GNAQ: variants seen among roughly 807,000 people sequenced by gnomAD.
The protein encoded by GNAQ is guanine nucleotide-binding protein G(q) subunit alpha.
A neutral mutation model predicts 43.9 loss-of-function variants in GNAQ; 8 were observed. The ratio of observed to expected loss-of-function variants is 0.18; its 90% CI spans 0.11 to 0.33. The LOEUF (loss-of-function observed/expected upper bound fraction) is 0.33. Among genes scored for constraint, GNAQ ranks in the 10% least tolerant of loss-of-function variants. The pLI, the probability that GNAQ is intolerant of heterozygous loss-of-function variation, is 1.00. For synonymous variants in GNAQ, 155 were observed against 170.7 expected (o/e 0.91, Z 0.71); for missense variants, 158 against 450.8 (o/e 0.35, Z 5.88).
chr9:77,933,114 G>A (rs1481838515), intron 1 of GNAQ, among the ~76,000 whole-genome samples: 1 of 152,144 alleles, frequency 6.6e-6, no homozygotes, highest in Non-Finnish European at 1.5e-5. Context: ...AAAGTTCACT[G>A]CATCGACATG....
intron 5 of GNAQ, among the ~76,000 whole-genome samples, chr9:77,781,144 G>C (rs951126009): frequency 6.6e-6 from 1 of 151,874 alleles, no homozygotes; most frequent in Non-Finnish European, 1.5e-5. Flanking sequence ...GTTGCCTGTG[G>C]TTTTGAAATC....
At chr9:77,811,441 G>A (rs991282831) in intron 3 of GNAQ, among the ~76,000 whole-genome samples, 5 of 152,054 alleles carry the variant, frequency 3.3e-5, no homozygotes, top group African/African-American at 1.2e-4. Context: ...GAAAGGAAAA[G>A]GGCTAACAAT....
intron 1 of GNAQ, among the ~76,000 whole-genome samples, chr9:78,022,336 G>T (rs999994598): frequency 1.3e-5 from 2 of 152,176 alleles, no homozygotes; most frequent in African/African-American, 4.8e-5. Context: ...GAGATCATCT[G>T]CTGCAATCTC....
At chr9:77,827,341 A>T (rs1329764855) in intron 2 of GNAQ, among the ~76,000 whole-genome samples, 2 of 149,158 alleles carry the variant, frequency 1.3e-5, no homozygotes, top group Admixed American at 6.7e-5. Flanking sequence ...TTGGTGATGT[A>T]GCAATGGTCA....
chr9:77,762,162 G>A (rs1323235365), intron 5 of GNAQ, among the ~76,000 whole-genome samples: 1 of 139,528 alleles, frequency 7.2e-6, no homozygotes, highest in Non-Finnish European at 1.6e-5. Context: ...CCCCGTCCGG[G>A]AGGTGAGGGG....
intron 5 of GNAQ, among the ~76,000 whole-genome samples, chr9:77,761,140 AGCCGCCCC>A (rs1826004922): frequency 1.4e-5 from 2 of 141,998 alleles, no homozygotes; most frequent in Middle Eastern, 4.0e-3. Flanking sequence ...CCGCCCGGCC[AGCCGCCCC>A]GTCCGGGAGG....
chr9:77,894,977 C>T (rs1247222833), intron 2 of GNAQ, among the ~76,000 whole-genome samples: 1 of 150,724 alleles, frequency 6.6e-6, no homozygotes, highest in Non-Finnish European at 1.5e-5. Flanking sequence ...ATCACGAGGT[C>T]AGGAGATTGA....
At chr9:77,765,096 G>T (rs189935453) in intron 5 of GNAQ, among the ~76,000 whole-genome samples, 2 of 152,156 alleles carry the variant, frequency 1.3e-5, no homozygotes, top group Non-Finnish European at 2.9e-5. Context: ...TGGACATTTG[G>T]CTAACTTGAG....
At chr9:77,757,569 T>TC (rs895632029) in intron 5 of GNAQ, among the ~76,000 whole-genome samples, 2 of 152,204 alleles carry the variant, frequency 1.3e-5, no homozygotes, top group African/African-American at 4.8e-5. Context: ...GGCTCAGGTC[T>TC]CCAATTCGTG....
intron 5 of GNAQ, among the ~76,000 whole-genome samples, chr9:77,759,543 C>A (rs1380585552): frequency 6.6e-6 from 1 of 152,144 alleles, no homozygotes; most frequent in East Asian, 1.9e-4. Context: ...AACTACAGCA[C>A]GTGACTCTAA....
intron 2 of GNAQ, among the ~76,000 whole-genome samples, chr9:77,910,578 C>G (rs1352259289): frequency 6.6e-6 from 1 of 151,882 alleles, no homozygotes; most frequent in Non-Finnish European, 1.5e-5. Flanking sequence ...AGACAGGCTG[C>G]TAAAGCAGAG....
chr9:77,882,340 C>G (rs1828226949), intron 2 of GNAQ, among the ~76,000 whole-genome samples: 1 of 152,064 alleles, frequency 6.6e-6, no homozygotes, highest in African/African-American at 2.4e-5. Context: ...ATTTAAATAA[C>G]CCAAATTGAA....
At chr9:77,996,973 G>A (rs141005129) in intron 1 of GNAQ, among the ~76,000 whole-genome samples, 186 of 152,254 alleles carry the variant, frequency 1.2e-3, no homozygotes, top group African/African-American at 4.2e-3. Context: ...ACTACTCCTA[G>A]GCCCTGTGCA....
intron 1 of GNAQ, among the ~76,000 whole-genome samples, chr9:77,994,448 A>G (rs1161193032): frequency 6.6e-6 from 1 of 152,208 alleles, no homozygotes; most frequent in Non-Finnish European, 1.5e-5. Flanking sequence ...TGAATCTGTT[A>G]CTATTCCTTC....
rs571748550 is a variant in GNAQ at position 77,720,448 on chromosome 9, A to G, written c.*875T>C. 1 of 233,632 alleles carries G rather than the reference A, an allele frequency of 4.3e-6. No individual in the cohort carries two copies. Among genetic ancestry groups the G allele is most frequent in the Admixed American group, 5.6e-5 (1 of 17,808 alleles). 14.5% of individuals were successfully genotyped at this position (233,632 alleles called of 1,614,324 possible). The stretch of plus-strand genomic sequence containing the variant: ...AACAACCTATAAAAAGGTTCTGGGT[A>G]GCAGCCATTAGGGTAATGTAGTGTC... On this transcript the variant is annotated 3_prime_UTR_variant, in exon 7 of 7. Coordinates refer to ENST00000286548, the MANE Select transcript of GNAQ (RefSeq NM_002072.5).
intron 5 of GNAQ, among the ~76,000 whole-genome samples, chr9:77,756,989 T>G (rs887936300): frequency 6.6e-6 from 1 of 152,218 alleles, no homozygotes; most frequent in Non-Finnish European, 1.5e-5. Context: ...CCATTCACAC[T>G]GATAACAGCT....
chr9:77,868,016 T>A lies in GNAQ; in HGVS notation c.322-52246A>T, dbSNP rs369456565. 2.6e-4 allele frequency among the ~76,000 whole-genome samples: 40 copies of A among 152,284 alleles called. 1 individual carries two copies. Among genetic ancestry groups the A allele is most frequent in the South Asian group, 1.7e-3 (8 of 4,830 alleles). ...CCTCCCTGACCTCAGTAGAGCCAAT[T>A]TTGCTTAAGAGTAGTCAATTATATG... On this transcript the variant is annotated intron_variant, in intron 2 of 6. Transcript: ENST00000286548.
intron 2 of GNAQ, among the ~76,000 whole-genome samples, chr9:77,888,130 A>T (rs1225156980): frequency 2.0e-5 from 3 of 152,220 alleles, no homozygotes; most frequent in Non-Finnish European, 4.4e-5. Context: ...TGGCTAATGG[A>T]ATGGGTGTTT....
chr9:77,791,473 A>G (rs991764369), intron 5 of GNAQ, among the ~76,000 whole-genome samples: 20 of 152,158 alleles, frequency 1.3e-4, no homozygotes, highest in African/African-American at 4.3e-4. Context: ...AGCAAAGGGA[A>G]TACACACATC....
Sources: allele counts gnomAD v4.1 joint callset (sites outside exome capture counted in the v4.1 genomes callset), GRCh38; gene constraint gnomAD v4.1.1; transcripts MANE v1.5; gene names NCBI Gene and HGNC (gene_info 2026-07-23, HGNC 2026-07-21).